ARHGAP26: variants seen among roughly 807,000 people sequenced by gnomAD.
The protein encoded by ARHGAP26 is Rho GTPase activating protein 26.
Under a neutral mutation model 104.8 loss-of-function variants are expected in ARHGAP26, and 38 were observed. That is an observed-to-expected ratio of 0.36 (90% confidence interval 0.28 to 0.48). The LOEUF is 0.48. Among genes scored for constraint, ARHGAP26 ranks in the 20% least tolerant of loss-of-function variants. The pLI is 0.99. For missense variants in ARHGAP26, 704 were observed against 947.9 expected (o/e 0.74, Z 3.38); for synonymous variants, 341 against 340.0 (o/e 1.00, Z -0.03).
At position 143,054,546 on chromosome 5, in the gene ARHGAP26, A is replaced by G; in HGVS notation, c.1373+20A>G. The stretch of plus-strand genomic sequence containing the variant: ...CCTAAGGTAGGGACTTTCCATTTGC[A>G]AGGCAGAGTGCCAGCTAGTTATCAT... On this transcript the variant is annotated intron_variant, in intron 15 of 22. Coordinates refer to ENST00000645722, the MANE Select transcript of ARHGAP26 (RefSeq NM_001135608.3). 1 of 1,548,448 alleles carries G rather than the reference A, an allele frequency of 6.5e-7. No homozygotes were observed. Among genetic ancestry groups the G allele is most frequent in the East Asian group, 2.3e-5 (1 of 44,406 alleles).
intron 1 of ARHGAP26, among the ~76,000 whole-genome samples, chr5:142,841,126 G>T (rs1319006803): frequency 2.0e-5 from 3 of 152,246 alleles, no homozygotes; most frequent in South Asian, 2.1e-4. Context: ...ATACAATAAA[G>T]ATTAATTGCC....
chr5:142,853,840 T>C (rs1238258603), intron 1 of ARHGAP26, among the ~76,000 whole-genome samples: 1 of 152,202 alleles, frequency 6.6e-6, no homozygotes, highest in Non-Finnish European at 1.5e-5. Context: ...AGTTGGGTTA[T>C]GCGTGTTTCT....
intron 12 of ARHGAP26, among the ~76,000 whole-genome samples, chr5:143,015,454 T>C (rs1779456885): frequency 6.6e-6 from 1 of 152,192 alleles, no homozygotes; most frequent in South Asian, 2.1e-4. Context: ...TCTAAACTGT[T>C]TGTAGTCCTT....
At position 143,120,256 on chromosome 5, in the gene ARHGAP26, T is replaced by C. The variant is rs146916883; in HGVS notation, c.1539-732T>C. ...ATGGAGTTCAGATACATCTTTTGAG[T>C]AGTTGTTTATTCAAAAATATGCCTA... is the stretch of plus-strand genomic sequence containing the variant. On this transcript the variant is annotated intron_variant, in intron 17 of 22. Coordinates refer to ENST00000645722, the MANE Select transcript of ARHGAP26 (RefSeq NM_001135608.3). Among the ~76,000 whole-genome samples, 68 of 152,316 alleles carry C rather than the reference T, an allele frequency of 4.5e-4. 1 individual carries two copies. In the East Asian group the frequency reaches 0.011, roughly 24 times the overall value.
intron 11 of ARHGAP26, among the ~76,000 whole-genome samples, chr5:142,954,572 C>T (rs1768909483): frequency 6.6e-6 from 1 of 152,228 alleles, no homozygotes; most frequent in African/African-American, 2.4e-5. Context: ...GGCTTCTCAT[C>T]CAGCATCTCT....
chr5:142,918,594 C>T (rs1376878826), intron 10 of ARHGAP26, among the ~76,000 whole-genome samples: 1 of 152,166 alleles, frequency 6.6e-6, no homozygotes, highest in Admixed American at 6.5e-5. Context: ...TACATGATTT[C>T]AGAGGTCACA....
chr5:143,081,558 C>A (rs1300145167), intron 17 of ARHGAP26, among the ~76,000 whole-genome samples: 1 of 152,134 alleles, frequency 6.6e-6, no homozygotes, highest in Non-Finnish European at 1.5e-5. Flanking sequence ...AGCTGGGGGA[C>A]CTCCAGAAAA....
chr5:142,788,398 A>C (rs1215111831), intron 1 of ARHGAP26, among the ~76,000 whole-genome samples: 1 of 152,154 alleles, frequency 6.6e-6, no homozygotes, highest in Non-Finnish European at 1.5e-5. Flanking sequence ...CCTTGGGGAC[A>C]AAGAGAAGAT....
At position 143,214,087 on chromosome 5, in the gene ARHGAP26, C is replaced by T. The variant is rs258819; in HGVS notation, c.2190C>T (p.Asn730=). The change falls in exon 22 of 23, where the codon AAC becomes AAT. Residue 730 remains asparagine (N), a splice_region_variant and synonymous_variant. Transcript: ENST00000645722. The stretch of plus-strand genomic sequence containing the variant: ...TCACAGCAGGCACGGTCTTCGATAA[C>T]GGTGAGTTTCTCATCCCCTCACAAA... The part of the protein sequence containing the change: ...LSFTAGTVFD[N]VHPSQEPGWL... 1,504,313 of 1,512,600 alleles carry T rather than the reference C, an allele frequency of 0.99. 748,070 individuals carry two copies. The highest frequency in any genetic ancestry group is 1 in the East Asian group (43,014 of 43,018). 93.7% of individuals were successfully genotyped at this position (1,512,600 alleles called of 1,614,324 possible).
At chr5:143,107,098 G>A (rs940459786) in intron 17 of ARHGAP26, among the ~76,000 whole-genome samples, 3 of 152,130 alleles carry the variant, frequency 2.0e-5, no homozygotes, top group African/African-American at 7.2e-5. Context: ...TGTCAGTCTC[G>A]TTCACTTCTT....
chr5:142,808,629 C>T (rs916885731), intron 1 of ARHGAP26, among the ~76,000 whole-genome samples: 1 of 152,062 alleles, frequency 6.6e-6, no homozygotes, highest in Non-Finnish European at 1.5e-5. Context: ...CTTGTTATCA[C>T]TTTGTGGAGC....
intron 5 of ARHGAP26, among the ~76,000 whole-genome samples, chr5:142,890,121 A>C (rs1758303735): frequency 8.2e-6 from 1 of 122,234 alleles, no homozygotes; most frequent in African/African-American, 3.1e-5. Context: ...GGGTAACAAG[A>C]GCGAAACTCC....
intron 19 of ARHGAP26, among the ~76,000 whole-genome samples, chr5:143,138,214 G>T (rs1798116588): frequency 6.6e-6 from 1 of 152,160 alleles, no homozygotes; most frequent in South Asian, 2.1e-4. Context: ...TCAGAATGAG[G>T]AGCTTGATGG....
chr5:142,919,430 T>A, intron 10 of ARHGAP26: 1 of 398,550 alleles, frequency 2.5e-6, no homozygotes, highest in Non-Finnish European at 4.4e-6. Context: ...AGCAATAAAT[T>A]TCTGTTGATT....
intron 18 of ARHGAP26, among the ~76,000 whole-genome samples, chr5:143,132,080 C>T (rs932036055): frequency 6.6e-6 from 1 of 152,018 alleles, no homozygotes; most frequent in African/African-American, 2.4e-5. Context: ...AACTCAGCTA[C>T]GTGTAGTGAT....
intron 19 of ARHGAP26, among the ~76,000 whole-genome samples, chr5:143,135,745 A>G (rs1018363506): frequency 6.6e-6 from 1 of 152,220 alleles, no homozygotes; most frequent in African/African-American, 2.4e-5. Context: ...TTTTTTCATG[A>G]ACATTTCTTT....
chr5:142,816,227 G>A (rs1326791229), intron 1 of ARHGAP26, among the ~76,000 whole-genome samples: 1 of 152,204 alleles, frequency 6.6e-6, no homozygotes, highest in Non-Finnish European at 1.5e-5. Context: ...ATGAGGGTAG[G>A]AACCATGTCT....
At chr5:143,048,392 T>C (rs1305974631) in intron 14 of ARHGAP26, among the ~76,000 whole-genome samples, 2 of 151,674 alleles carry the variant, frequency 1.3e-5, no homozygotes, top group Non-Finnish European at 1.5e-5. Context: ...ACCTGAGTAG[T>C]TGGGACTACA....
intron 20 of ARHGAP26, among the ~76,000 whole-genome samples, chr5:143,159,945 G>A (rs1800990195): frequency 6.6e-6 from 1 of 150,446 alleles, no homozygotes. Flanking sequence ...TTTTACATGT[G>A]TGTGCATTGA....
Sources: allele counts gnomAD v4.1 joint callset (sites outside exome capture counted in the v4.1 genomes callset), GRCh38; gene constraint gnomAD v4.1.1; transcripts MANE v1.5; gene names NCBI Gene and HGNC (gene_info 2026-07-23, HGNC 2026-07-21).